DZIP1: variants seen among roughly 807,000 people sequenced by gnomAD.
DZIP1 encodes the protein cilium assembly protein DZIP1.
Under a neutral mutation model 107.6 loss-of-function variants are expected in DZIP1, and 97 were observed. The observed-to-expected ratio is 0.90, with a 90% confidence interval of 0.77 to 1.07. The LOEUF is 1.07. DZIP1 is among the 50% of genes least tolerant of loss of function. DZIP1 has a pLI of 0.00. For synonymous variants in DZIP1, 390 were observed against 386.4 expected, an observed-to-expected ratio of 1.01 and a Z score of -0.11; for missense variants, 1,035 against 1,063.6, an observed-to-expected ratio of 0.97 and a Z score of 0.37.
At position 95,579,103 on chromosome 13, in the gene DZIP1, G is replaced by A. The variant is rs556943219; in HGVS notation, c.*3131C>T. On this transcript the variant is annotated 3_prime_UTR_variant, in exon 23 of 23. Transcript: ENST00000376829. ...CCTACTGCTCAAGGTCATCGCCAAG[G>A]TGTGATTGGAAAAATTCAAAAAATT... 1 of 152,306 alleles carries A rather than the reference G, an allele frequency of 6.6e-6. No individual in the cohort carries two copies. The highest frequency in any genetic ancestry group is 2.4e-5 in the African/African-American group (1 of 41,550). 9.4% of individuals were successfully genotyped at this position (152,306 alleles called of 1,614,324 possible). A position where few individuals can be genotyped will look rare whatever the true frequency, so the allele number is the denominator to read the frequency against.
intron 3 of DZIP1, among the ~76,000 whole-genome samples, chr13:95,642,580 T>C (rs1041752887): frequency 3.9e-5 from 6 of 152,186 alleles, no homozygotes; most frequent in Non-Finnish European, 7.3e-5. Flanking sequence ...CAATAAAATA[T>C]ATATAATTAA....
chr13:95,590,756 G>C (rs1377036532), intron 16 of DZIP1, among the ~76,000 whole-genome samples: 1 of 152,226 alleles, frequency 6.6e-6, no homozygotes, highest in Non-Finnish European at 1.5e-5. Context: ...AGAGAAGGCT[G>C]AAAGGGGAGG....
At chr13:95,600,059 C>T (rs907119255) in intron 14 of DZIP1, among the ~76,000 whole-genome samples, 1 of 152,162 alleles carries the variant, frequency 6.6e-6, no homozygotes, top group Non-Finnish European at 1.5e-5. Flanking sequence ...GAATGGCAAC[C>T]GCACTCAGGG....
chr13:95,600,979 C>T (rs556020024), intron 14 of DZIP1, among the ~76,000 whole-genome samples: 73 of 152,268 alleles, frequency 4.8e-4, no homozygotes, highest in African/African-American at 1.6e-3. Context: ...TAACTAATTT[C>T]AGATTTTAAA....
rs2045029307 is a variant in DZIP1, at chr13:95,612,100, C to T, written c.1251G>A (p.Arg417=). 1.2e-6 allele frequency: 2 copies of T among 1,613,798 alleles called. No homozygotes were observed. The highest frequency in any genetic ancestry group is 1.7e-6 in the Non-Finnish European group (2 of 1,180,020). The change falls in exon 11 of 23, where the codon AGG becomes AGA. Residue 417 remains arginine (R), a synonymous_variant. Coordinates refer to ENST00000376829, the MANE Select transcript of DZIP1 (RefSeq NM_198968.4). ...LNASNVFYKK[R]IEELGQRLQE... ...GGAGTCTCTGCCCTAGCTCTTCTAT[C>T]CTTTTCTTATAGAAAACATTGCTTG...
chr13:95,583,486 CCTT>C (rs1244964605), intron 22 of DZIP1, among the ~76,000 whole-genome samples: 1 of 151,924 alleles, frequency 6.6e-6, no homozygotes, highest in African/African-American at 2.4e-5. Context: ...CATAGAGAAG[CCTT>C]CTGAACAACT....
In DZIP1 at chr13:95,590,039, C is replaced by T. The variant is rs560985268; in HGVS notation, c.1844-107G>A. On this transcript the variant is annotated intron_variant, in intron 17 of 22. Transcript: ENST00000376829. Reference sequence around the variant, plus strand: ...CTATGCTGCTGTGGCAATGAACAATCCCATCTCTAGGGTTTAAAGCCAGAC... The same window carrying T: ...CTATGCTGCTGTGGCAATGAACAATTCCATCTCTAGGGTTTAAAGCCAGAC... 152 of 1,394,082 alleles carry T rather than the reference C, an allele frequency of 1.1e-4. 3 individuals carry two copies. In the South Asian group the frequency reaches 1.9e-3, roughly 18 times the overall value. The allele number at this position is 1,394,082 out of a possible 1,614,324, so 86.4% of individuals were successfully genotyped here.
chr13:95,620,366 CT>C (rs1875677198), intron 9 of DZIP1, among the ~76,000 whole-genome samples: 1 of 152,204 alleles, frequency 6.6e-6, no homozygotes, highest in South Asian at 2.1e-4. Context: ...AATTAAACCT[CT>C]TTTCTTTATA....
At position 95,630,080 on chromosome 13, in the gene DZIP1, C is replaced by T. The variant is rs1173466693; in HGVS notation, c.719G>A (p.Arg240Gln). ...TTCCTTCAATACGACGATCTCACTCCGGAGCTTCTCAATCTGTGCATTTTT... is the reference window on the plus strand; with the variant it reads ...TTCCTTCAATACGACGATCTCACTCTGGAGCTTCTCAATCTGTGCATTTTT... ...YQKNAQIEKL[R>Q]SEIVVLKEEL... The change falls in exon 7 of 23, where the codon CGG becomes CAG. Residue 240 changes from arginine (R) to glutamine (Q), a missense_variant. Arg to Gln is a conservative substitution (Grantham distance 43). Transcript: ENST00000376829. The T allele has an allele frequency of 6.2e-7, 1 of 1,613,492 alleles. No individual in the cohort carries two copies. Among genetic ancestry groups the T allele is most frequent in the Non-Finnish European group, 8.5e-7 (1 of 1,179,736 alleles).
rs1036398023 is a variant in DZIP1 at position 95,638,615 on chromosome 13, A to G, written c.597+2680T>C. The stretch of plus-strand genomic sequence containing the variant: ...GAGGAAAAAGACCTTACACATTGCC[A>G]TCACTACCCCCCTTATACACAACAC... On this transcript the variant is annotated intron_variant, in intron 5 of 22. Coordinates refer to ENST00000376829, the MANE Select transcript of DZIP1 (RefSeq NM_198968.4). Among the ~76,000 whole-genome samples, 11 of 147,750 alleles carry G rather than the reference A, an allele frequency of 7.4e-5. No individual in the cohort carries two copies. The East Asian group carries it at 2.2e-3, about 30-fold the overall frequency.
chr13:95,628,850 G>A (rs763408960), intron 7 of DZIP1, among the ~76,000 whole-genome samples: 1 of 152,126 alleles, frequency 6.6e-6, no homozygotes, highest in Admixed American at 6.5e-5. Context: ...CACAGAGAGG[G>A]AAAGTAGCTG....
intron 18 of DZIP1, 47 bp from the exon 19 acceptor site, chr13:95,589,254 T>C (rs749479754): frequency 7.0e-7 from 1 of 1,421,282 alleles, no homozygotes; most frequent in Non-Finnish European, 9.7e-7. Flanking sequence ...AAGTTAATAA[T>C]ATAATTTCAC....
At chr13:95,637,604 ATCTCTCTCTCTCTCTC>A (rs10539901) in intron 5 of DZIP1, among the ~76,000 whole-genome samples, 308 of 145,164 alleles carry the variant, frequency 2.1e-3, no homozygotes, top group East Asian at 3.9e-3. Flanking sequence ...GACATTAGCG[ATCTCTCTCTCTCTCTC>A]TCTCTCTCTC....
At chr13:95,640,557 C>CAACT (rs1412965510) in intron 5 of DZIP1, among the ~76,000 whole-genome samples, 1 of 151,956 alleles carries the variant, frequency 6.6e-6, no homozygotes, top group Non-Finnish European at 1.5e-5. Context: ...GCACTTCCTC[C>CAACT]AACTAGTCAA....
chr13:95,617,308 G>A (rs1248588338), intron 10 of DZIP1, among the ~76,000 whole-genome samples: 1 of 152,112 alleles, frequency 6.6e-6, no homozygotes, highest in Non-Finnish European at 1.5e-5. Flanking sequence ...GCCATGCTGT[G>A]CACTGCTATG....
chr13:95,630,914 G>A (rs1241536776), intron 6 of DZIP1: 4 of 354,154 alleles, frequency 1.1e-5, no homozygotes, highest in South Asian at 4.3e-5. Context: ...TCAGTTTCAC[G>A]CTGAAGAATG....
chr13:95,601,101 C>G (rs1055321140), intron 14 of DZIP1, among the ~76,000 whole-genome samples: 3 of 152,142 alleles, frequency 2.0e-5, no homozygotes, highest in African/African-American at 7.2e-5. Context: ...AACAGGGATA[C>G]TCCTATGACT....
intron 10 of DZIP1, among the ~76,000 whole-genome samples, chr13:95,617,666 G>A (rs1357000570): frequency 8.0e-6 from 1 of 125,008 alleles, no homozygotes; most frequent in Admixed American, 1.0e-4. Flanking sequence ...ATCATAGCTG[G>A]AAAGAGGAGG....
At chr13:95,626,029 G>A (rs1277856863) in intron 7 of DZIP1, among the ~76,000 whole-genome samples, 6 of 152,078 alleles carry the variant, frequency 3.9e-5, no homozygotes, top group African/African-American at 1.2e-4. Context: ...CTACTTAGGA[G>A]GCTGAGGTGG....
Sources: gnomAD v4.1 joint callset for allele counts (sites outside exome capture counted in the v4.1 genomes callset) on GRCh38, gnomAD v4.1.1 for gene constraint, MANE v1.5 for transcripts, NCBI Gene and HGNC (gene_info 2026-07-23, HGNC 2026-07-21) for gene names.